The following EPHA5 variants were observed in gnomAD, a reference collection of about 807,000 sequenced individuals.
EPHA5 encodes EPH receptor A5, also known as ephrin type-A receptor 5.
A neutral mutation model predicts 105.0 loss-of-function variants in EPHA5; 60 were observed. The ratio of observed to expected loss-of-function variants is 0.57; its 90% CI spans 0.46 to 0.71. EPHA5 has a LOEUF of 0.71. Ranked by LOEUF, EPHA5 falls within the 30% of genes least tolerant of loss-of-function variation. The pLI, the probability that EPHA5 is intolerant of heterozygous loss-of-function variation, is 0.00. For synonymous variants in EPHA5, 513 were observed against 449.1 expected, an observed-to-expected ratio of 1.14 and a Z score of -1.80; for missense variants, 1,218 against 1,274.7, an observed-to-expected ratio of 0.96 and a Z score of 0.68.
intron 5 of EPHA5, among the ~76,000 whole-genome samples, chr4:65,442,428 C>A (rs1490480966): frequency 1.3e-5 from 2 of 152,064 alleles, no homozygotes; most frequent in African/African-American, 2.4e-5. Context: ...CTTCCCAGTC[C>A]CCAGAATTGT....
At chr4:65,554,555 TA>T (rs1367624792) in intron 3 of EPHA5, among the ~76,000 whole-genome samples, 5 of 151,500 alleles carry the variant, frequency 3.3e-5, no homozygotes, top group Non-Finnish European at 7.4e-5. Context: ...TAAATAATTA[TA>T]ATAAATGTAT....
chr4:65,404,068 G>A (rs1475526247), intron 8 of EPHA5, among the ~76,000 whole-genome samples: 1 of 152,096 alleles, frequency 6.6e-6, no homozygotes, highest in Non-Finnish European at 1.5e-5. Flanking sequence ...AATTTTGAGA[G>A]ATAAAAAATT....
chr4:65,646,805 A>G lies in EPHA5; in HGVS notation c.182-3378T>C, dbSNP rs181585077. The stretch of plus-strand genomic sequence containing the variant: ...ACTTCAATTTAAGAAAATTAAAGTA[A>G]TAAAATATTTTAGTCTTATTTATAA... On this transcript the variant is annotated intron_variant, in intron 1 of 16. Coordinates refer to ENST00000613740, the MANE Select transcript of EPHA5 (RefSeq NM_001281766.3). Among the ~76,000 whole-genome samples, 170 of 152,318 alleles carry G rather than the reference A, an allele frequency of 1.1e-3. 1 individual carries two copies. Among genetic ancestry groups the G allele is most frequent in the African/African-American group, 3.9e-3 (163 of 41,578 alleles).
chr4:65,362,244 C>T (rs1244260633), intron 11 of EPHA5, among the ~76,000 whole-genome samples: 1 of 148,522 alleles, frequency 6.7e-6, no homozygotes, highest in African/African-American at 2.5e-5. Flanking sequence ...TTCAGACTCC[C>T]TACCTCAACT....
At chr4:65,589,786 G>A (rs574039123) in intron 3 of EPHA5, among the ~76,000 whole-genome samples, 2 of 152,150 alleles carry the variant, frequency 1.3e-5, no homozygotes, top group Non-Finnish European at 2.9e-5. Flanking sequence ...ACAGGACCAA[G>A]TAATTATGTT....
rs1491020584 is a variant in EPHA5, at chr4:65,465,525, AAG to A, written c.1402+24850_1402+24851del. On this transcript the variant is annotated intron_variant, in intron 5 of 16. Transcript: ENST00000613740. ...AAAGAAAGAAAGAAAGAAAGAAAGA[AAG>A]AAAAGAAAGGAAAGGAAGGAAAGGA... Among the ~76,000 whole-genome samples, 49 of 90,862 alleles carry A rather than the reference AAG, an allele frequency of 5.4e-4. 1 individual carries two copies. The highest frequency in any genetic ancestry group is 2.0e-3 in the African/African-American group (48 of 23,946). 59.6% of individuals were successfully genotyped at this position (90,862 alleles called of 152,430 possible). A position where few individuals can be genotyped will look rare whatever the true frequency, so the allele number is the denominator to read the frequency against.
At chr4:65,371,302 A>C (rs1195513861) in intron 8 of EPHA5, among the ~76,000 whole-genome samples, 1 of 152,040 alleles carries the variant, frequency 6.6e-6, no homozygotes, top group Non-Finnish European at 1.5e-5. Context: ...TCATAGGCAT[A>C]ACTCATATTC....
chr4:65,426,421 T>G (rs1448868850), intron 5 of EPHA5, among the ~76,000 whole-genome samples: 1 of 152,198 alleles, frequency 6.6e-6, no homozygotes, highest in East Asian at 1.9e-4. Context: ...CCTGACTGAT[T>G]GACCATTTGT....
rs1720681492 is a variant in EPHA5 at position 65,332,119 on chromosome 4, A to G, written c.2799T>C (p.Asn933=). ...TLVNASCRVS[N]LLAEHSPLGS... The stretch of plus-strand genomic sequence containing the variant: ...CTAGTGGGCTATGTTCTGCCAATAA[A>G]TTAGATACTCTAAAACACATAAAAC... Residue 933 remains asparagine (N), a synonymous_variant, in exon 16 of 17, where the codon AAT becomes AAC. Coordinates refer to ENST00000613740, the MANE Select transcript of EPHA5 (RefSeq NM_001281766.3). 1.3e-6 allele frequency: 2 copies of G among 1,598,174 alleles called. No individual in the cohort carries two copies. Among genetic ancestry groups the G allele is most frequent in the East Asian group, 2.2e-5 (1 of 44,702 alleles).
chr4:65,506,808 C>T (rs1290178236), intron 3 of EPHA5, among the ~76,000 whole-genome samples: 1 of 151,722 alleles, frequency 6.6e-6, no homozygotes, highest in African/African-American at 2.4e-5. Flanking sequence ...AAATTTTCTC[C>T]CATTCTGTAG....
intron 8 of EPHA5, among the ~76,000 whole-genome samples, chr4:65,392,196 C>T (rs887231760): frequency 6.6e-6 from 1 of 152,046 alleles, no homozygotes; most frequent in Non-Finnish European, 1.5e-5. Flanking sequence ...TATTTTGATT[C>T]AGAGCCTTTG....
At chr4:65,461,476 A>C (rs932166469) in intron 5 of EPHA5, among the ~76,000 whole-genome samples, 25 of 152,200 alleles carry the variant, frequency 1.6e-4, no homozygotes, top group Non-Finnish European at 3.2e-4. Flanking sequence ...ATACAAATTT[A>C]CTACCATGTA....
At chr4:65,570,025 T>C (rs978971047) in intron 3 of EPHA5, among the ~76,000 whole-genome samples, 2 of 151,818 alleles carry the variant, frequency 1.3e-5, no homozygotes, top group African/African-American at 4.8e-5. Context: ...CATGTGTGTG[T>C]GTAATTCAGT....
intron 2 of EPHA5, among the ~76,000 whole-genome samples, chr4:65,631,176 G>T (rs1746597638): frequency 6.6e-6 from 1 of 152,048 alleles, no homozygotes; most frequent in African/African-American, 2.4e-5. Context: ...CCTTTAGTCT[G>T]CTTTTGATAA....
chr4:65,524,961 C>T (rs916928918), intron 3 of EPHA5, among the ~76,000 whole-genome samples: 2 of 151,710 alleles, frequency 1.3e-5, no homozygotes, highest in Non-Finnish European at 3.0e-5. Flanking sequence ...TGACACGTAT[C>T]ATTAAAAAGT....
chr4:65,595,238 T>G (rs1403374489), intron 3 of EPHA5, among the ~76,000 whole-genome samples: 1 of 152,058 alleles, frequency 6.6e-6, no homozygotes, highest in Non-Finnish European at 1.5e-5. Context: ...CTTTTAACTG[T>G]AGATGTGAGT....
chr4:65,452,840 A>G (rs1252178979), intron 5 of EPHA5, among the ~76,000 whole-genome samples: 1 of 152,208 alleles, frequency 6.6e-6, no homozygotes, highest in Non-Finnish European at 1.5e-5. Flanking sequence ...AGCATCTTTA[A>G]CACTCTAGGT....
chr4:65,407,824 C>T (rs1482420950), intron 7 of EPHA5, among the ~76,000 whole-genome samples: 5 of 151,792 alleles, frequency 3.3e-5, no homozygotes, highest in African/African-American at 4.8e-5. Flanking sequence ...GGCATGATCT[C>T]GGCTCATTGC....
chr4:65,549,489 T>C (rs1475494862), intron 3 of EPHA5, among the ~76,000 whole-genome samples: 1 of 152,136 alleles, frequency 6.6e-6, no homozygotes, highest in Non-Finnish European at 1.5e-5. Flanking sequence ...ATAGAGCTAA[T>C]AAAAGAAAGC....
Sources: allele counts gnomAD v4.1 joint callset (sites outside exome capture counted in the v4.1 genomes callset), GRCh38; gene constraint gnomAD v4.1.1; transcripts MANE v1.5; gene names NCBI Gene and HGNC (gene_info 2026-07-23, HGNC 2026-07-21).